Variants in PRKCI observed in about 807,000 individuals in gnomAD.
PRKCI encodes the protein protein kinase C iota type.
A neutral mutation model predicts 84.0 loss-of-function variants in PRKCI; 43 were observed. The observed-to-expected ratio is 0.51, with a 90% CI of 0.40 to 0.66. PRKCI has a LOEUF of 0.66. Among genes scored for constraint, PRKCI ranks in the 30% least tolerant of loss-of-function variants. The pLI, the probability that PRKCI is intolerant of heterozygous loss-of-function variation, is 0.00. For missense variants in PRKCI, 459 were observed against 745.6 expected, an observed-to-expected ratio of 0.62 and a Z score of 4.48; for synonymous variants, 216 against 234.4, an observed-to-expected ratio of 0.92 and a Z score of 0.72.
intron 17 of PRKCI, among the ~76,000 whole-genome samples, chr3:170,302,726 T>C (rs1478276389): frequency 6.6e-6 from 1 of 152,214 alleles, no homozygotes; most frequent in Non-Finnish European, 1.5e-5. Context: ...GATGTTCACC[T>C]GTAACTAGGA....
chr3:170,224,829 G>A (rs1732588446), intron 1 of PRKCI, among the ~76,000 whole-genome samples: 1 of 152,138 alleles, frequency 6.6e-6, no homozygotes, highest in African/African-American at 2.4e-5. Flanking sequence ...TGGCCCTAAG[G>A]CTTTCAATAA....
chr3:170,303,193 G>C lies in PRKCI; in HGVS notation c.*66G>C. The C allele has an allele frequency of 3.2e-6, 4 of 1,261,158 alleles. No individual in the cohort carries two copies. Among genetic ancestry groups the C allele is most frequent in the South Asian group, 1.4e-5 (1 of 73,762 alleles). The allele number at this position is 1,261,158 out of a possible 1,614,324, so 78.1% of individuals were successfully genotyped here. ...TAATGCATGGATAAACTTGCTGCAA[G>C]CCTGGATACAATTAACCATTTTATA... On this transcript the variant is annotated 3_prime_UTR_variant, in exon 18 of 18. Coordinates refer to ENST00000295797, the MANE Select transcript of PRKCI (RefSeq NM_002740.6).
chr3:170,291,573 T>C, intron 12 of PRKCI: 2 of 298,814 alleles, frequency 6.7e-6, no homozygotes, highest in South Asian at 3.9e-5. Context: ...GGTGCATGCC[T>C]GTAATTCCAG....
In PRKCI at chr3:170,260,011, C is replaced by G. The variant is rs1733682608; in HGVS notation, c.266C>G (p.Ala89Gly). Residue 89 changes from alanine to glycine, a missense_variant, in exon 3 of 18, where the codon GCC becomes GGC. Around this residue, in one of 2 missense-constraint regions of PRKCI, gnomAD observed 250 missense variants for 319.7 expected, o/e 0.78. Transcript: ENST00000295797. ...TVSSQLELEEAFRLYELNKDS... is the reference protein window; with the variant it reads ...TVSSQLELEEGFRLYELNKDS... ...TCATCTCAGTTGGAGTTAGAAGAAG[C>G]CTTTAGACTTTATGAGCTAAACAAG... 1 of 1,612,860 alleles carries G rather than the reference C, an allele frequency of 6.2e-7. No homozygotes were observed. The highest frequency in any genetic ancestry group is 8.5e-7 in the Non-Finnish European group (1 of 1,179,404).
At chr3:170,274,150 G>A (rs1627728) in intron 7 of PRKCI, among the ~76,000 whole-genome samples, 4 of 151,614 alleles carry the variant, frequency 2.6e-5, no homozygotes, top group Non-Finnish European at 4.4e-5. Flanking sequence ...TTTTTCTTTC[G>A]AGACAGAGTC....
intron 1 of PRKCI, among the ~76,000 whole-genome samples, chr3:170,230,637 A>C (rs1180526178): frequency 6.6e-6 from 1 of 152,202 alleles, no homozygotes; most frequent in Non-Finnish European, 1.5e-5. Context: ...GCTTATTATG[A>C]AACTTTTAAA....
chr3:170,249,105 C>T (rs916623698), intron 2 of PRKCI, among the ~76,000 whole-genome samples: 9 of 152,114 alleles, frequency 5.9e-5, no homozygotes, highest in African/African-American at 2.2e-4. Flanking sequence ...ACCTCGGTCT[C>T]CCAAAGCGCT....
intron 13 of PRKCI, 27 bp downstream of exon 13, chr3:170,291,968 T>G: frequency 6.6e-7 from 1 of 1,504,212 alleles, no homozygotes; most frequent in South Asian, 1.1e-5. Context: ...TGGTATTATT[T>G]TAGCTATTGC....
intron 16 of PRKCI, 85 bp downstream of exon 16, chr3:170,297,478 AG>A: frequency 1.3e-5 from 15 of 1,128,330 alleles, no homozygotes; most frequent in Non-Finnish European, 1.8e-5. Context: ...GTTTTTAGAC[AG>A]AGTCTTGCTC....
intron 1 of PRKCI, among the ~76,000 whole-genome samples, chr3:170,230,963 GTT>G (rs375182104): frequency 7.8e-6 from 1 of 128,132 alleles, no homozygotes. Flanking sequence ...TTTTTTTTTT[GTT>G]TTTTTTTTTT....
In PRKCI at chr3:170,268,291, C is replaced by G. The variant is rs115183745; in HGVS notation, c.450+291C>G. 5.0e-3 allele frequency among the ~76,000 whole-genome samples: 758 copies of G among 152,168 alleles called. 6 individuals carry two copies. The highest frequency in any genetic ancestry group is 0.018 in the African/African-American group (728 of 41,486). On this transcript the variant is annotated intron_variant, in intron 5 of 17. Coordinates refer to ENST00000295797, the MANE Select transcript of PRKCI (RefSeq NM_002740.6). ...AGGCCAGGAGTTCATACCAGCCTGG[C>G]CAACATGGCAAAACCTTATCTCTAT...
At chr3:170,282,003 T>C in intron 11 of PRKCI, 35 bp downstream of exon 11, 1 of 1,600,386 alleles carries the variant, frequency 6.2e-7, no homozygotes, top group Non-Finnish European at 8.5e-7. Context: ...TTGTTTTCTT[T>C]TTGGGGCCAT....
chr3:170,290,825 T>C (rs2108864385), intron 12 of PRKCI, among the ~76,000 whole-genome samples: 1 of 151,904 alleles, frequency 6.6e-6, no homozygotes, highest in Non-Finnish European at 1.5e-5. Flanking sequence ...TTTGCCTTAT[T>C]TTTTTTCCAT....
At chr3:170,223,920 T>C (rs1046755906) in intron 1 of PRKCI, among the ~76,000 whole-genome samples, 2 of 152,164 alleles carry the variant, frequency 1.3e-5, no homozygotes, top group Non-Finnish European at 2.9e-5. Flanking sequence ...TAAGGACTTT[T>C]TTTTTTATTA....
intron 11 of PRKCI, 114 bp from the exon 12 acceptor site, chr3:170,284,347 C>A: frequency 1.1e-6 from 1 of 941,580 alleles, no homozygotes; most frequent in South Asian, 2.1e-5. Context: ...AAATTTGTTC[C>A]TAAAATCACT....
chr3:170,234,379 T>C (rs1430268526), intron 1 of PRKCI, among the ~76,000 whole-genome samples: 1 of 152,186 alleles, frequency 6.6e-6, no homozygotes, highest in Non-Finnish European at 1.5e-5. Context: ...AAAGTATTTG[T>C]ATGTTCTGAT....
intron 11 of PRKCI, among the ~76,000 whole-genome samples, chr3:170,284,238 T>A (rs1734320376): frequency 6.6e-6 from 1 of 152,194 alleles, no homozygotes. Flanking sequence ...ACTATCAAAT[T>A]AATAGCTTTA....
At chr3:170,287,242 G>T (rs995040692) in intron 12 of PRKCI, among the ~76,000 whole-genome samples, 1 of 151,840 alleles carries the variant, frequency 6.6e-6, no homozygotes, top group African/African-American at 2.4e-5. Flanking sequence ...GAGATGGGGG[G>T]ATCACTTGAG....
At chr3:170,249,439 AT>A (rs1230897963) in intron 2 of PRKCI, among the ~76,000 whole-genome samples, 1 of 152,070 alleles carries the variant, frequency 6.6e-6, no homozygotes, top group Non-Finnish European at 1.5e-5. Flanking sequence ...TTATGTGTGT[AT>A]GTATATCTTG....
Sources: allele counts gnomAD v4.1 joint callset (sites outside exome capture counted in the v4.1 genomes callset), GRCh38; gene constraint gnomAD v4.1.1; regional missense constraint gnomAD v4.1.1; transcripts MANE v1.5; gene names NCBI Gene and HGNC (gene_info 2026-07-23, HGNC 2026-07-21).